The following CSMD1 variants were observed in gnomAD, a reference collection of about 807,000 sequenced individuals.
CSMD1 encodes CUB and sushi domain-containing protein 1.
A neutral mutation model predicts 417.5 loss-of-function variants in CSMD1; 213 were observed. That is an observed-to-expected ratio of 0.51 (90% CI 0.46 to 0.57). The LOEUF is 0.57. Ranked by LOEUF, CSMD1 falls within the 20% of genes least tolerant of loss-of-function variation. CSMD1 has a pLI of 0.00. For missense variants in CSMD1, 6,923 were observed against 4,529.7 expected (o/e 1.53, Z -15.17); for synonymous variants, 2,862 against 1,736.8 (o/e 1.65, Z -16.11).
intron 7 of CSMD1, among the ~76,000 whole-genome samples, chr8:3,664,547 T>C (rs998795624): frequency 2.0e-5 from 3 of 152,156 alleles, no homozygotes; most frequent in Admixed American, 1.3e-4. Context: ...AGAGCGTGAG[T>C]GTTTCCTCAT....
intron 1 of CSMD1, among the ~76,000 whole-genome samples, chr8:4,708,105 GC>G (rs1167885014): frequency 6.8e-6 from 1 of 146,160 alleles, no homozygotes; most frequent in African/African-American, 2.5e-5. Flanking sequence ...CAATACACTG[GC>G]TAATTTTTTG....
intron 7 of CSMD1, among the ~76,000 whole-genome samples, chr8:3,642,332 C>A (rs1443754340): frequency 6.6e-6 from 1 of 152,072 alleles, no homozygotes; most frequent in African/African-American, 2.4e-5. Context: ...TCTTTCCCAC[C>A]TTGGTGCTGT....
chr8:4,773,175 G>A (rs574800425), intron 1 of CSMD1, among the ~76,000 whole-genome samples: 3 of 152,094 alleles, frequency 2.0e-5, no homozygotes, highest in Non-Finnish European at 4.4e-5. Flanking sequence ...ATGTTCCTGT[G>A]AGCATTTCCT....
intron 8 of CSMD1, among the ~76,000 whole-genome samples, chr8:3,592,284 A>G (rs1442468304): frequency 6.6e-6 from 1 of 152,158 alleles, no homozygotes. Flanking sequence ...TGTGTTAAAA[A>G]GTCCACTTCA....
intron 2 of CSMD1, among the ~76,000 whole-genome samples, chr8:4,430,054 C>T (rs7000593): frequency 0.21 from 32,388 of 152,050 alleles, 3,586 homozygotes; most frequent in Admixed American, 0.22. Flanking sequence ...CAGAATCAAC[C>T]AGGAAGTATA....
intron 3 of CSMD1, among the ~76,000 whole-genome samples, chr8:4,342,594 G>T (rs1800543421): frequency 6.6e-6 from 1 of 151,570 alleles, no homozygotes; most frequent in South Asian, 2.1e-4. Context: ...AAGGTTACTG[G>T]GAAAAAAAAG....
intron 2 of CSMD1, among the ~76,000 whole-genome samples, chr8:4,546,930 C>G (rs1034056249): frequency 6.6e-6 from 1 of 152,074 alleles, no homozygotes; most frequent in African/African-American, 2.4e-5. Flanking sequence ...GATGTTGATT[C>G]TCCTCTGCCC....
At chr8:4,963,092 C>A (rs1459299805) in intron 1 of CSMD1, among the ~76,000 whole-genome samples, 1 of 152,178 alleles carries the variant, frequency 6.6e-6, no homozygotes, top group Non-Finnish European at 1.5e-5. Context: ...CTCCAGGCCT[C>A]CGCAAGAATA....
In CSMD1 at chr8:4,030,970, G is replaced by T. The variant is rs531746772; in HGVS notation, c.610+935C>A. ...TAAAACGTAACAAGAATCACCTTTG[G>T]TCCAGTTATGAACAAGTTTCTCATC... On this transcript the variant is annotated intron_variant, in intron 4 of 69. Transcript: ENST00000635120. Among the ~76,000 whole-genome samples the T allele has an allele frequency of 2.0e-5, 3 of 152,140 alleles. No individual in the cohort carries two copies. The East Asian group carries it at 5.8e-4, about 29-fold the overall frequency.
intron 3 of CSMD1, among the ~76,000 whole-genome samples, chr8:4,366,870 T>C (rs1056189941): frequency 6.6e-6 from 1 of 152,138 alleles, no homozygotes; most frequent in Non-Finnish European, 1.5e-5. Flanking sequence ...CCTGTTCATG[T>C]CCTTGCCCAT....
At chr8:3,739,269 G>A (rs968843828) in intron 6 of CSMD1, among the ~76,000 whole-genome samples, 9 of 152,192 alleles carry the variant, frequency 5.9e-5, no homozygotes, top group African/African-American at 2.2e-4. Context: ...TTCTGACAAA[G>A]CTGTAGATTG....
intron 5 of CSMD1, among the ~76,000 whole-genome samples, chr8:3,946,097 T>C (rs964490058): frequency 1.3e-5 from 2 of 152,164 alleles, no homozygotes; most frequent in African/African-American, 2.4e-5. Context: ...TGGAGGACTT[T>C]ATCGCTTGCA....
At chr8:3,397,959 T>G (rs905520396) in intron 16 of CSMD1, among the ~76,000 whole-genome samples, 1 of 152,220 alleles carries the variant, frequency 6.6e-6, no homozygotes, top group African/African-American at 2.4e-5. Context: ...TTTTAAGAGC[T>G]GTGTACTATG....
At chr8:4,350,581 C>G (rs1018293495) in intron 3 of CSMD1, among the ~76,000 whole-genome samples, 1 of 152,106 alleles carries the variant, frequency 6.6e-6, no homozygotes, top group Non-Finnish European at 1.5e-5. Flanking sequence ...TTAACACTTC[C>G]ACGCTTACAA....
chr8:2,961,371 TTTATC>T (rs1380166952), intron 61 of CSMD1, among the ~76,000 whole-genome samples, 157 bp from the exon 62 acceptor site: 3 of 152,196 alleles, frequency 2.0e-5, no homozygotes, highest in Non-Finnish European at 2.9e-5. Context: ...AATTGCTACT[TTTATC>T]TTCTCTTCAA....
chr8:4,079,582 C>T (rs1187503008), intron 3 of CSMD1, among the ~76,000 whole-genome samples: 1 of 152,158 alleles, frequency 6.6e-6, no homozygotes, highest in African/African-American at 2.4e-5. Flanking sequence ...AAAGTAAAAA[C>T]ACTTTATTAG....
At chr8:3,561,937 C>G (rs1343723101) in intron 10 of CSMD1, among the ~76,000 whole-genome samples, 1 of 152,192 alleles carries the variant, frequency 6.6e-6, no homozygotes, top group African/African-American at 2.4e-5. Flanking sequence ...TGCAGATGAT[C>G]TCCCGTGAGC....
intron 2 of CSMD1, among the ~76,000 whole-genome samples, chr8:4,634,225 A>G (rs1283947291): frequency 5.9e-5 from 9 of 152,146 alleles, no homozygotes; most frequent in South Asian, 4.1e-4. Context: ...GATAATATAA[A>G]GGATATATTA....
intron 3 of CSMD1, among the ~76,000 whole-genome samples, chr8:4,063,112 T>G (rs530087101): frequency 6.6e-6 from 1 of 152,144 alleles, no homozygotes. Flanking sequence ...AAGTTGACTA[T>G]AGCTAATAAT....
Sources: allele counts gnomAD v4.1 joint callset (sites outside exome capture counted in the v4.1 genomes callset), GRCh38; gene constraint gnomAD v4.1.1; transcripts MANE v1.5; gene names NCBI Gene and HGNC (gene_info 2026-07-23, HGNC 2026-07-21).